RIMS1: variants seen among roughly 807,000 people sequenced by gnomAD.
The protein encoded by RIMS1 is regulating synaptic membrane exocytosis 1, also known as regulating synaptic membrane exocytosis protein 1.
In RIMS1, 83 loss-of-function variants were observed where a neutral mutation model predicts 214.1. The observed-to-expected ratio is 0.39, with a 90% confidence interval of 0.32 to 0.47. RIMS1 has a LOEUF of 0.47. RIMS1 is among the 20% of genes least tolerant of loss of function. RIMS1 has a pLI of 0.99. For missense variants in RIMS1, 2,050 were observed against 2,161.8 expected, an observed-to-expected ratio of 0.95 and a Z score of 1.03; for synonymous variants, 793 against 786.8, an observed-to-expected ratio of 1.01 and a Z score of -0.13.
intron 1 of RIMS1, among the ~76,000 whole-genome samples, chr6:71,946,616 T>C (rs956392785): frequency 1.3e-5 from 2 of 152,098 alleles, no homozygotes; most frequent in Non-Finnish European, 2.9e-5. Context: ...TTTCACACCA[T>C]ATACAAAAAT....
At chr6:71,925,642 TA>T (rs910931575) in intron 1 of RIMS1, among the ~76,000 whole-genome samples, 7 of 152,230 alleles carry the variant, frequency 4.6e-5, no homozygotes, top group African/African-American at 7.2e-5. Flanking sequence ...TTACAAATTA[TA>T]ATGTCATAGA....
intron 1 of RIMS1, among the ~76,000 whole-genome samples, chr6:71,914,216 A>G (rs1777709106): frequency 6.6e-6 from 1 of 152,174 alleles, no homozygotes; most frequent in African/African-American, 2.4e-5. Context: ...TTATGCTTCT[A>G]CTATAAACAA....
At chr6:72,045,648 C>A (rs2770338) in intron 2 of RIMS1, among the ~76,000 whole-genome samples, 1 of 151,682 alleles carries the variant, frequency 6.6e-6, no homozygotes, top group Admixed American at 6.6e-5. Context: ...GTGACTATTG[C>A]CACAGATGCA....
chr6:72,038,591 T>G (rs2152069724), intron 2 of RIMS1, among the ~76,000 whole-genome samples: 1 of 152,236 alleles, frequency 6.6e-6, no homozygotes, highest in African/African-American at 2.4e-5. Context: ...AAACAAATGT[T>G]TACTTAACCA....
chr6:72,392,818 T>G lies in RIMS1; in HGVS notation c.4618+8T>G. The G allele has an allele frequency of 1.3e-6, 2 of 1,557,152 alleles. No homozygotes were observed. Among genetic ancestry groups the G allele is most frequent in the Non-Finnish European group, 1.8e-6 (2 of 1,142,244 alleles). On this transcript the variant is annotated splice_region_variant and intron_variant, in intron 31 of 33. Coordinates refer to ENST00000521978, the MANE Select transcript of RIMS1 (RefSeq NM_014989.7). ...TTGCCACCCCTGCAATGGGTAAGAA[T>G]CATTTTTTTTTTCTACAAGAAAATT...
At chr6:72,379,454 T>C (rs554100287) in intron 29 of RIMS1, among the ~76,000 whole-genome samples, 1 of 152,322 alleles carries the variant, frequency 6.6e-6, no homozygotes, top group South Asian at 2.1e-4. Flanking sequence ...TGAATAGATA[T>C]TGGGGGCACA....
chr6:72,294,980 A>G (rs1313827982), intron 26 of RIMS1, among the ~76,000 whole-genome samples: 2 of 151,742 alleles, frequency 1.3e-5, no homozygotes, highest in Non-Finnish European at 3.0e-5. Context: ...ATATTTCAAC[A>G]CAATATCCCA....
chr6:72,061,110 T>C (rs1827731147), intron 2 of RIMS1, among the ~76,000 whole-genome samples: 1 of 152,216 alleles, frequency 6.6e-6, no homozygotes, highest in Non-Finnish European at 1.5e-5. Context: ...TATAATCAAA[T>C]ATTTGACCTT....
intron 29 of RIMS1, among the ~76,000 whole-genome samples, chr6:72,343,023 A>T (rs773360599): frequency 2.0e-5 from 3 of 151,856 alleles, no homozygotes; most frequent in Non-Finnish European, 2.9e-5. Flanking sequence ...AATTGGTATG[A>T]ATAAAATCCT....
intron 2 of RIMS1, among the ~76,000 whole-genome samples, chr6:72,054,958 G>C (rs1825768770): frequency 6.6e-6 from 1 of 152,086 alleles, no homozygotes; most frequent in African/African-American, 2.4e-5. Context: ...TTTGGCTTTT[G>C]TTGCAATTGC....
intron 29 of RIMS1, among the ~76,000 whole-genome samples, chr6:72,387,079 T>A (rs973256279): frequency 1.3e-5 from 2 of 152,070 alleles, no homozygotes; most frequent in African/African-American, 4.8e-5. Context: ...GAATCTACGC[T>A]CCTTTAAAGC....
intron 28 of RIMS1, among the ~76,000 whole-genome samples, chr6:72,320,767 G>A (rs899863248): frequency 4.6e-5 from 7 of 151,904 alleles, no homozygotes; most frequent in Non-Finnish European, 8.8e-5. Flanking sequence ...GCATTATATA[G>A]ATTGTCCAGG....
rs769394258 is a variant in RIMS1 at position 72,258,296 on chromosome 6, G to A, written c.2927+15G>A. 20 of 1,610,970 alleles carry A rather than the reference G, an allele frequency of 1.2e-5. No individual in the cohort carries two copies. The highest frequency in any genetic ancestry group is 1.7e-5 in the Non-Finnish European group (20 of 1,177,900). On this transcript the variant is annotated intron_variant, in intron 17 of 33. Coordinates refer to ENST00000521978, the MANE Select transcript of RIMS1 (RefSeq NM_014989.7). ...CCATTACAGAGGTAGGCTTTGAAAT[G>A]GGCTCAGTGTCCCTGACAGTACATT...
intron 26 of RIMS1, among the ~76,000 whole-genome samples, chr6:72,293,771 C>T (rs1748412587): frequency 6.6e-6 from 1 of 151,696 alleles, no homozygotes; most frequent in Non-Finnish European, 1.5e-5. Flanking sequence ...TTTAAAAAAG[C>T]TCATGTTCTA....
chr6:72,191,352 C>CTTTTT (rs1405532020), intron 6 of RIMS1, among the ~76,000 whole-genome samples: 7 of 152,188 alleles, frequency 4.6e-5, no homozygotes, highest in Non-Finnish European at 1.0e-4. Context: ...CACAGGACCC[C>CTTTTT]TAGAAATTTT....
intron 2 of RIMS1, among the ~76,000 whole-genome samples, chr6:72,048,408 CA>C (rs1433161442): frequency 3.9e-5 from 6 of 152,104 alleles, no homozygotes; most frequent in Non-Finnish European, 5.9e-5. Flanking sequence ...AGTCCTGAGC[CA>C]AAAGCACAGT....
chr6:72,352,622 C>G (rs1211645889), intron 29 of RIMS1, among the ~76,000 whole-genome samples: 1 of 152,178 alleles, frequency 6.6e-6, no homozygotes. Context: ...AGGCAGTCAA[C>G]TCTCCTCTGT....
At chr6:71,958,109 T>C (rs1253145216) in intron 1 of RIMS1, among the ~76,000 whole-genome samples, 2 of 152,134 alleles carry the variant, frequency 1.3e-5, no homozygotes, top group East Asian at 3.8e-4. Context: ...GTCCCTATCA[T>C]AGTGCTTAAT....
At chr6:72,031,458 G>A (rs1818081607) in intron 2 of RIMS1, among the ~76,000 whole-genome samples, 1 of 152,086 alleles carries the variant, frequency 6.6e-6, no homozygotes, top group Non-Finnish European at 1.5e-5. Context: ...TCCAAATAAG[G>A]AAGTGTTATT....
Sources: allele counts gnomAD v4.1 joint callset (sites outside exome capture counted in the v4.1 genomes callset), GRCh38; gene constraint gnomAD v4.1.1; transcripts MANE v1.5; gene names NCBI Gene and HGNC (gene_info 2026-07-23, HGNC 2026-07-21).